Variants in FBN3 observed in about 807,000 individuals in gnomAD.
The protein encoded by FBN3 is fibrillin 3, also known as fibrillin-3.
In FBN3, 234 loss-of-function variants were observed where a neutral mutation model predicts 330.1. The observed-to-expected ratio is 0.71, with a 90% CI of 0.64 to 0.79. The LOEUF (loss-of-function observed/expected upper bound fraction) is 0.79, where lower values mean the gene tolerates loss of function less well. Ranked by LOEUF, FBN3 falls within the 30% of genes least tolerant of loss-of-function variation. FBN3 has a pLI of 0.00. For synonymous variants in FBN3, 1,458 were observed against 1,517.3 expected (o/e 0.96, Z 0.91); for missense variants, 3,606 against 3,886.9 (o/e 0.93, Z 1.92).
chr19:8,141,969 A>G lies in FBN3; in HGVS notation c.710T>C (p.Ile237Thr). 1 of 1,614,060 alleles carries G rather than the reference A, an allele frequency of 6.2e-7. No individual in the cohort carries two copies. Among genetic ancestry groups the G allele is most frequent in the Non-Finnish European group, 8.5e-7 (1 of 1,179,978 alleles). ...GCAGGCCCCCGTGTGGATATTGGGGATGAAGCCGCGGCGGCAGGGGTGTGG... is the reference window on the plus strand; with the variant it reads ...GCAGGCCCCCGTGTGGATATTGGGGGTGAAGCCGCGGCGGCAGGGGTGTGG... The part of the protein sequence containing the change: ...AQPHPCRRGF[I>T]PNIHTGACQD... Residue 237 changes from isoleucine to threonine, a missense_variant, in exon 7 of 64, where the codon ATC becomes ACC. Ile to Thr is a moderately conservative substitution (Grantham distance 89). Coordinates refer to ENST00000600128, the MANE Select transcript of FBN3 (RefSeq NM_032447.5).
intron 41 of FBN3, among the ~76,000 whole-genome samples, chr19:8,099,802 G>C (rs1218848714): frequency 1.3e-5 from 2 of 151,860 alleles, no homozygotes; most frequent in Admixed American, 1.3e-4. Context: ...CCTGAGATCA[G>C]GAGTTCGAGA....
intron 63 of FBN3, 119 bp downstream of exon 63, chr19:8,071,929 G>A: frequency 9.8e-7 from 1 of 1,023,906 alleles, no homozygotes; most frequent in Non-Finnish European, 1.4e-6. Context: ...GAACCTGTTG[G>A]GATCTGGAGC....
intron 28 of FBN3, 47 bp downstream of exon 28, chr19:8,117,122 T>C: frequency 6.2e-7 from 1 of 1,609,540 alleles, no homozygotes; most frequent in African/African-American, 1.3e-5. Flanking sequence ...CAACACCTCC[T>C]CCTCACCCTC....
rs569059570 is a variant in FBN3, at chr19:8,145,243, C to T, written c.446-271G>A. On this transcript the variant is annotated intron_variant, in intron 5 of 63. Coordinates refer to ENST00000600128, the MANE Select transcript of FBN3 (RefSeq NM_032447.5). ...ACAAAAATTAGCCAGGCATGGTGGC[C>T]GGCTCTTTTAATCCCAGCTACTCAG... 7.3e-4 allele frequency among the ~76,000 whole-genome samples: 111 copies of T among 151,886 alleles called. 1 individual carries two copies. The highest frequency in any genetic ancestry group is 1.3e-4 in the Admixed American group (2 of 15,230).
chr19:8,113,671 T>A (rs1343367414), intron 30 of FBN3, among the ~76,000 whole-genome samples: 1 of 151,902 alleles, frequency 6.6e-6, no homozygotes, highest in South Asian at 2.1e-4. Flanking sequence ...ATCACACCAC[T>A]GCACTATAGC....
In FBN3 at chr19:8,131,481, C is replaced by T; in HGVS notation, c.1990+73G>A. 2 of 1,539,448 alleles carry T rather than the reference C, an allele frequency of 1.3e-6. No individual in the cohort carries two copies. Among genetic ancestry groups the T allele is most frequent in the Non-Finnish European group, 1.8e-6 (2 of 1,134,998 alleles). On this transcript the variant is annotated intron_variant, in intron 15 of 63. Transcript: ENST00000600128. This position sits in a 1 kb window ranked among gnomAD's most constrained non-coding sequence, Gnocchi z 4.5. The stretch of plus-strand genomic sequence containing the variant: ...CCCCACTCCATGGCAGCCATGACCC[C>T]CCACCAGAAGCGAGAACCGATGGAG...
At chr19:8,079,053 C>G (rs1322221365) in intron 59 of FBN3, among the ~76,000 whole-genome samples, 1 of 152,106 alleles carries the variant, frequency 6.6e-6, no homozygotes, top group Non-Finnish European at 1.5e-5. Flanking sequence ...CAGGCATGAG[C>G]CACAGTGCCC....
chr19:8,114,963 G>A (rs1568415903), intron 30 of FBN3, among the ~76,000 whole-genome samples: 1 of 152,192 alleles, frequency 6.6e-6, no homozygotes, highest in Non-Finnish European at 1.5e-5. Context: ...CTGCCTCCCG[G>A]GTTCAAATGA....
intron 16 of FBN3, among the ~76,000 whole-genome samples, chr19:8,130,635 A>AGGAAGGAAGG (rs764420258): frequency 2.0e-4 from 1 of 4,898 alleles, no homozygotes; most frequent in Admixed American, 1.9e-3. Context: ...AAAGAAAGAA[A>AGGAAGGAAGG]GAAAGAAAGG....
chr19:8,074,808 G>C, intron 61 of FBN3: 1 of 436,788 alleles, frequency 2.3e-6, no homozygotes, highest in East Asian at 3.9e-5. Flanking sequence ...TCACAAAATT[G>C]CAGACTTCAG....
intron 47 of FBN3, among the ~76,000 whole-genome samples, chr19:8,093,711 C>T (rs10415092): frequency 0.39 from 59,043 of 151,992 alleles, 12,757 homozygotes; most frequent in East Asian, 0.73. Flanking sequence ...CTCTTGAACC[C>T]GGGAGGTGGC....
At chr19:8,103,093 C>G (rs1327812596) in intron 39 of FBN3, among the ~76,000 whole-genome samples, 1 of 151,868 alleles carries the variant, frequency 6.6e-6, no homozygotes, top group Non-Finnish European at 1.5e-5. Context: ...ATGGTGAAAC[C>G]CTGTCTCTAC....
chr19:8,091,741 G>T, intron 47 of FBN3, 151 bp from the exon 48 acceptor site: 1 of 765,496 alleles, frequency 1.3e-6, no homozygotes, highest in Non-Finnish European at 2.1e-6. Flanking sequence ...ATGAGCTTCA[G>T]CACGAGGTGG....
intron 62 of FBN3, among the ~76,000 whole-genome samples, chr19:8,072,676 G>A (rs576499753): frequency 2.4e-4 from 37 of 152,018 alleles, no homozygotes; most frequent in African/African-American, 8.2e-4. Context: ...CCCCAGGGAT[G>A]TGGGCATGCA....
Position 8,138,454 on chromosome 19 carries a change from C to A in FBN3, c.976G>T (p.Ala326Ser), listed in dbSNP as rs1414724222. The change falls in exon 9 of 64, where the codon GCA becomes TCA. Residue 326 changes from alanine to serine, a missense_variant. By Grantham distance (99) the Ala-to-Ser change is moderately conservative. Coordinates refer to ENST00000600128, the MANE Select transcript of FBN3 (RefSeq NM_032447.5). ...QCCCDRGRCW[A>S]AGPVPELCPP... The stretch of plus-strand genomic sequence containing the variant: ...CACAGCTCAGGGACCGGGCCAGCTG[C>A]CCAGCACCTGCCCCTGTCACAGCAG... 1.2e-6 allele frequency: 2 copies of A among 1,613,334 alleles called. No individual in the cohort carries two copies. Among genetic ancestry groups the A allele is most frequent in the Non-Finnish European group, 1.7e-6 (2 of 1,179,964 alleles).
At position 8,073,151 on chromosome 19, in the gene FBN3, G is replaced by A. The variant is rs201196689; in HGVS notation, c.7849C>T (p.Arg2617Trp). Residue 2617 changes from arginine (R) to tryptophan (W), a missense_variant, in exon 62 of 64, where the codon CGG becomes TGG. Physicochemically the swap from Arg to Trp is moderately radical, Grantham distance 101. Coordinates refer to ENST00000600128, the MANE Select transcript of FBN3 (RefSeq NM_032447.5). ...GCQEVDECAG[R>W]RGPCSYSCAN... is the part of the protein sequence containing the mutation. The stretch of plus-strand genomic sequence containing the variant: ...CAGCTGTAGCTACAGGGGCCACGCC[G>A]TCCGGCGCACTCATCCACCTCCTGG... 60 of 1,613,864 alleles carry A rather than the reference G, an allele frequency of 3.7e-5. No homozygotes were observed. The highest frequency in any genetic ancestry group is 1.5e-4 in the Admixed American group (9 of 60,008).
rs563684237 is a variant in FBN3, at chr19:8,076,482, A to G, written c.7454-1071T>C. ...GAAGCCCCATCTCTACTAAAAATAC[A>G]AAACAATTTAGCCAGGTGTGGTGGT... On this transcript the variant is annotated intron_variant, in intron 59 of 63. Transcript: ENST00000600128. Among the ~76,000 whole-genome samples, 170 of 152,132 alleles carry G rather than the reference A, an allele frequency of 1.1e-3. 1 individual carries two copies. The highest frequency in any genetic ancestry group is 3.8e-3 in the African/African-American group (159 of 41,508).
intron 41 of FBN3, among the ~76,000 whole-genome samples, chr19:8,097,878 C>T (rs1216472769): frequency 6.6e-6 from 1 of 152,142 alleles, no homozygotes; most frequent in East Asian, 1.9e-4. Flanking sequence ...TAAGAGAAGC[C>T]AGACATGAAA....
At chr19:8,135,936 G>GGGGGGGGGGGGGGGGGGCCGCCCCCCCCC in intron 13 of FBN3, 25 bp downstream of exon 13, 1 of 668,778 alleles carries the variant, frequency 1.5e-6, no homozygotes, top group Non-Finnish European at 2.4e-6. Flanking sequence ...GGAAGCCCCT[G>GGGGGGGGGGGGGGGGGGCCGCCCCCCCCC]CCCACCCGCC....
Sources: gnomAD v4.1 joint callset for allele counts (sites outside exome capture counted in the v4.1 genomes callset) on GRCh38, gnomAD v4.1.1 for gene constraint, Gnocchi (gnomAD v3.1) non-coding constraint, MANE v1.5 for transcripts, NCBI Gene and HGNC (gene_info 2026-07-23, HGNC 2026-07-21) for gene names.